MAP1B: variants seen among roughly 807,000 people sequenced by gnomAD.
The protein encoded by MAP1B is microtubule-associated protein 1B.
Under a neutral mutation model 176.1 loss-of-function variants are expected in MAP1B, and 12 were observed. That is an observed-to-expected ratio of 0.07 (90% CI 0.04 to 0.11). The LOEUF is 0.11. MAP1B is among the 10% of genes least tolerant of loss of function. The probability of loss-of-function intolerance (pLI) is 1.00; values close to 1 mark genes in which losing one functional copy is unlikely to be tolerated. For missense variants in MAP1B, 2,523 were observed against 2,990.5 expected, an observed-to-expected ratio of 0.84 and a Z score of 3.65; for synonymous variants, 1,044 against 1,135.0, an observed-to-expected ratio of 0.92 and a Z score of 1.61.
chr5:72,197,029 A>T lies in MAP1B; in HGVS notation c.3674A>T (p.Asp1225Val), dbSNP rs766331845. ...EDKFSRSALR[D>V]AYCSEVKAST... ...AAATTCAGCAGATCTGCTTTACGTG[A>T]TGCTTACTGCTCTGAAGTGAAAGCC... Residue 1225 changes from aspartate to valine, a missense_variant, in exon 5 of 7, where the codon GAT becomes GTT. Transcript: ENST00000296755. 1 of 1,614,176 alleles carries T rather than the reference A, an allele frequency of 6.2e-7. No individual in the cohort carries two copies. Among genetic ancestry groups the T allele is most frequent in the South Asian group, 1.1e-5 (1 of 91,082 alleles).
intron 2 of MAP1B, among the ~76,000 whole-genome samples, chr5:72,149,303 C>T (rs988811239): frequency 6.6e-6 from 1 of 152,200 alleles, no homozygotes; most frequent in Non-Finnish European, 1.5e-5. Flanking sequence ...CTCAAACTAA[C>T]TTGGAAAGAA....
rs553928488 is a variant in MAP1B at position 72,208,452 on chromosome 5, T to C, written c.*3213T>C. ...TTCTACAGAGACTAAATGTTAGCGA[T>C]GATCCTCCATTTTCAATTTTAACCA... On this transcript the variant is annotated 3_prime_UTR_variant, in exon 7 of 7. Transcript: ENST00000296755. The C allele has an allele frequency of 3.3e-5, 5 of 152,360 alleles. No individual in the cohort carries two copies. Among genetic ancestry groups the C allele is most frequent in the Admixed American group, 3.3e-4 (5 of 15,306 alleles). The allele number at this position is 152,360 out of a possible 1,614,324, so 9.4% of individuals were successfully genotyped here.
chr5:72,172,641 A>G (rs1561305747), intron 2 of MAP1B, among the ~76,000 whole-genome samples: 1 of 152,250 alleles, frequency 6.6e-6, no homozygotes, highest in East Asian at 1.9e-4. Context: ...AGTGACTCCA[A>G]GAATCAATAT....
intron 2 of MAP1B, among the ~76,000 whole-genome samples, chr5:72,171,042 A>G (rs1242998631): frequency 1.3e-5 from 2 of 152,224 alleles, no homozygotes; most frequent in Non-Finnish European, 1.5e-5. Flanking sequence ...CAAGCCTTCA[A>G]AAGTGACACC....
chr5:72,160,519 T>G (rs968222132), intron 2 of MAP1B, among the ~76,000 whole-genome samples: 17 of 152,206 alleles, frequency 1.1e-4, no homozygotes, highest in African/African-American at 4.1e-4. Flanking sequence ...TTCATGAATG[T>G]TCCTGTGGTT....
At position 72,204,981 on chromosome 5, in the gene MAP1B, T is replaced by C. The variant is rs563550778; in HGVS notation, c.7252-103T>C. ...AGGAAAATAGAAAAGTTTTCTCTCA[T>C]TTCCCTTCTTCTTCCAGTGGTCTAA... On this transcript the variant is annotated intron_variant, in intron 6 of 6. Coordinates refer to ENST00000296755, the MANE Select transcript of MAP1B (RefSeq NM_005909.5). This position sits in a 1 kb window ranked among gnomAD's most constrained non-coding sequence, Gnocchi z 4.4. 5.4e-4 allele frequency: 421 copies of C among 778,706 alleles called. 2 individuals are homozygous for C. In the South Asian group the frequency reaches 8.0e-3, roughly 15 times the overall value. 48.2% of individuals were successfully genotyped at this position (778,706 alleles called of 1,614,324 possible).
At chr5:72,140,737 C>T (rs756339865) in intron 2 of MAP1B, among the ~76,000 whole-genome samples, 5 of 152,246 alleles carry the variant, frequency 3.3e-5, no homozygotes, top group African/African-American at 4.8e-5. Context: ...CTGTGATTAT[C>T]GAAGCAATCC....
rs1168686172 is a variant in MAP1B, at chr5:72,195,022, C to A, written c.1667C>A (p.Ser556Tyr). 6.2e-7 allele frequency: 1 copy of A among 1,613,878 alleles called. No individual in the cohort carries two copies. Among genetic ancestry groups the A allele is most frequent in the Non-Finnish European group, 8.5e-7 (1 of 1,179,998 alleles). ...GCCGCAAAACCACTTCCTAGCAAAT[C>A]CGTGCGCAAGGAGTCAAAAGAAGAA... ...KPAAKPLPSK[S>Y]VRKESKEETP... The change falls in exon 5 of 7, where the codon TCC becomes TAC. Residue 556 changes from serine (S) to tyrosine (Y), a missense_variant. By Grantham distance (144) the Ser-to-Tyr change is moderately radical (BLOSUM62 -2). Transcript: ENST00000296755.
chr5:72,205,249 C>T lies in MAP1B; in HGVS notation c.*10C>T, dbSNP rs1267997123. The T allele has an allele frequency of 1.2e-6, 2 of 1,604,606 alleles. No individual in the cohort carries two copies. Among genetic ancestry groups the T allele is most frequent in the East Asian group, 2.2e-5 (1 of 44,818 alleles). ...CAAGATTGAACTGTAAAAACCAAGG[C>T]CAGCCACACCACAGGATCTGAACTT... On this transcript the variant is annotated 3_prime_UTR_variant, in exon 7 of 7. Transcript: ENST00000296755.
chr5:72,140,539 G>A (rs542916241), intron 2 of MAP1B, among the ~76,000 whole-genome samples: 21 of 152,292 alleles, frequency 1.4e-4, no homozygotes, highest in African/African-American at 5.1e-4. Flanking sequence ...TGCATGTCCT[G>A]ACAACTATTA....
intron 4 of MAP1B, among the ~76,000 whole-genome samples, chr5:72,189,722 TTAAAAAAATAAAA>T (rs1286850017): frequency 2.0e-5 from 3 of 151,544 alleles, no homozygotes; most frequent in Non-Finnish European, 2.9e-5. Context: ...ACTTAAAACA[TTAAAAAAATAAAA>T]TAAAAAGAAG....
intron 2 of MAP1B, among the ~76,000 whole-genome samples, chr5:72,147,056 G>A (rs774747301): frequency 2.6e-5 from 4 of 151,460 alleles, no homozygotes; most frequent in Non-Finnish European, 5.9e-5. Flanking sequence ...TGACTCCCAG[G>A]TTCAAGCAAT....
intron 2 of MAP1B, among the ~76,000 whole-genome samples, chr5:72,155,827 CGCAATCTCATCTTAGT>C (rs1258265488): frequency 7.0e-6 from 1 of 142,808 alleles, no homozygotes; most frequent in Non-Finnish European, 1.5e-5. Flanking sequence ...AGTACAGTGG[CGCAATCTCATCTTAGT>C]GCAATCTCTG....
At chr5:72,164,574 C>G (rs965661334) in intron 2 of MAP1B, among the ~76,000 whole-genome samples, 1 of 152,136 alleles carries the variant, frequency 6.6e-6, no homozygotes, top group African/African-American at 2.4e-5. Context: ...TGCCAGCTTT[C>G]TTGTCTGAGT....
chr5:72,150,117 G>A (rs1354049053), intron 2 of MAP1B, among the ~76,000 whole-genome samples: 1 of 152,162 alleles, frequency 6.6e-6, no homozygotes, highest in East Asian at 1.9e-4. Flanking sequence ...GTCCCATTTA[G>A]CTTTTACAAA....
intron 2 of MAP1B, among the ~76,000 whole-genome samples, chr5:72,128,196 G>A (rs1223061707): frequency 1.3e-5 from 2 of 152,106 alleles, no homozygotes; most frequent in Non-Finnish European, 2.9e-5. Context: ...GTGCCTCAGG[G>A]TCCTCATGAT....
intron 2 of MAP1B, among the ~76,000 whole-genome samples, chr5:72,163,012 G>A (rs545261165): frequency 9.2e-5 from 14 of 152,174 alleles, no homozygotes; most frequent in African/African-American, 3.4e-4. Flanking sequence ...GGCAGATCAC[G>A]AAGTCAGGAG....
chr5:72,195,393 G>C lies in MAP1B; in HGVS notation c.2038G>C (p.Val680Leu). Residue 680 changes from valine (V) to leucine (L), a missense_variant, in exon 5 of 7, where the codon GTG becomes CTG. Transcript: ENST00000296755. ...GGAGGAAAAACCAAAAAAGGAAGAG[G>C]TGAAAAAAGAAGTCAAAAAAGAGAT... ...KKEEKPKKEE[V>L]KKEVKKEIKK... 6.4e-7 allele frequency: 1 copy of C among 1,561,812 alleles called. No homozygotes were observed. Among genetic ancestry groups the C allele is most frequent in the Non-Finnish European group, 8.6e-7 (1 of 1,158,278 alleles).
rs924536222 is a variant in MAP1B at position 72,114,428 on chromosome 5, C to T, written c.185-1270C>T. Among the ~76,000 whole-genome samples, 4 of 152,148 alleles carry T rather than the reference C, an allele frequency of 2.6e-5. No individual in the cohort carries two copies. The East Asian group carries it at 7.7e-4, about 29-fold the overall frequency. On this transcript the variant is annotated intron_variant, in intron 1 of 6. Coordinates refer to ENST00000296755, the MANE Select transcript of MAP1B (RefSeq NM_005909.5). ...ACTGGGTGTTAATTTAGAGATAGTTCACCTGCTGTGTTATACCTAGAGGTT... is the reference window on the plus strand; with the variant it reads ...ACTGGGTGTTAATTTAGAGATAGTTTACCTGCTGTGTTATACCTAGAGGTT...
Sources: gnomAD v4.1 joint callset for allele counts (sites outside exome capture counted in the v4.1 genomes callset) on GRCh38, gnomAD v4.1.1 for gene constraint, Gnocchi (gnomAD v3.1) non-coding constraint, MANE v1.5 for transcripts, NCBI Gene and HGNC (gene_info 2026-07-23, HGNC 2026-07-21) for gene names.